The following SLC10A6 variants were observed in gnomAD, a reference collection of about 807,000 sequenced individuals.
SLC10A6 encodes the protein sodium-dependent organic anion transporter.
Under a neutral mutation model 30.0 loss-of-function variants are expected in SLC10A6, and 27 were observed. The ratio of observed to expected loss-of-function variants is 0.90; its 90% CI spans 0.66 to 1.24. The LOEUF is 1.24. Among genes scored for constraint, SLC10A6 ranks in the 50% most tolerant of loss-of-function variants. SLC10A6 has a pLI of 0.00. For synonymous variants in SLC10A6, 166 were observed against 173.8 expected, an observed-to-expected ratio of 0.95 and a Z score of 0.36; for missense variants, 439 against 457.0, an observed-to-expected ratio of 0.96 and a Z score of 0.36.
Position 86,848,729 on chromosome 4 carries a change from G to T in SLC10A6, c.377+10C>A. 4 of 1,565,788 alleles carry T rather than the reference G, an allele frequency of 2.6e-6. No homozygotes were observed. Among genetic ancestry groups the T allele is most frequent in the Non-Finnish European group, 3.5e-6 (4 of 1,157,068 alleles). ...GAGACAGACTGCTGAGCTTCCCTGG[G>T]GTTACTTACCTGAGATCCATATCTC... On this transcript the variant is annotated intron_variant, in intron 1 of 5. Transcript: ENST00000273905.
intron 1 of SLC10A6, 38 bp from the exon 2 acceptor site, chr4:86,833,462 T>C (rs533905592): frequency 6.0e-6 from 9 of 1,502,432 alleles, no homozygotes; most frequent in Admixed American, 3.4e-5. Context: ...GGAGGGAGCA[T>C]TGGACATGAA....
chr4:86,842,896 C>G (rs1746330298), intron 1 of SLC10A6, among the ~76,000 whole-genome samples: 1 of 119,208 alleles, frequency 8.4e-6, no homozygotes, highest in African/African-American at 2.9e-5. Context: ...GAGATGGAGT[C>G]TCGCTCTGTC....
At chr4:86,829,285 C>T (rs1746042611) in intron 3 of SLC10A6, among the ~76,000 whole-genome samples, 1 of 152,102 alleles carries the variant, frequency 6.6e-6, no homozygotes, top group African/African-American at 2.4e-5. Flanking sequence ...GTGACACATG[C>T]CTGTAATCCC....
chr4:86,849,217 G>A lies in SLC10A6; in HGVS notation c.-102C>T. On this transcript the variant is annotated 5_prime_UTR_variant, in exon 1 of 6. Transcript: ENST00000273905. The stretch of plus-strand genomic sequence containing the variant: ...GTAATAGTGCAACGAAGTCACACAT[G>A]GAGAATCATTCCAATAACTGTTGGC... 1 of 1,362,026 alleles carries A rather than the reference G, an allele frequency of 7.3e-7. No homozygotes were observed. The highest frequency in any genetic ancestry group is 1.0e-6 in the Non-Finnish European group (1 of 1,001,216). 84.4% of individuals were successfully genotyped at this position (1,362,026 alleles called of 1,614,324 possible).
At chr4:86,838,912 CAA>C (rs149710895) in intron 1 of SLC10A6, among the ~76,000 whole-genome samples, 22,170 of 74,844 alleles carry the variant, frequency 0.3, 1,490 homozygotes, top group Non-Finnish European at 0.31. Flanking sequence ...GACAGTGTCT[CAA>C]AAAAAAAAAA....
At chr4:86,837,658 C>G (rs1318337345) in intron 1 of SLC10A6, 2 of 983,750 alleles carry the variant, frequency 2.0e-6, no homozygotes, top group Non-Finnish European at 2.4e-6. Context: ...GTATTTTGTA[C>G]CTACCTGAGT....
At chr4:86,843,701 T>C (rs1746345472) in intron 1 of SLC10A6, among the ~76,000 whole-genome samples, 1 of 152,160 alleles carries the variant, frequency 6.6e-6, no homozygotes, top group African/African-American at 2.4e-5. Context: ...GGGTTAGGCA[T>C]GCAGCTCCTT....
At position 86,839,622 on chromosome 4, in the gene SLC10A6, C is replaced by T. The variant is rs114188750; in HGVS notation, c.378-6198G>A. ...TATGCCATAATTTCTTCAATCACTT[C>T]ATTAACCATAGGTCAGTTGCTTTTA... is the stretch of plus-strand genomic sequence containing the variant. On this transcript the variant is annotated intron_variant, in intron 1 of 5. Transcript: ENST00000273905. Among the ~76,000 whole-genome samples the T allele has an allele frequency of 7.1e-3, 1,074 of 152,280 alleles. 18 individuals carry two copies. Among genetic ancestry groups the T allele is most frequent in the African/African-American group, 0.024 (1,010 of 41,544 alleles).
In SLC10A6 at chr4:86,833,364, A is replaced by G; in HGVS notation, c.438T>C (p.Tyr146=). 2 of 1,614,092 alleles carry G rather than the reference A, an allele frequency of 1.2e-6. No homozygotes were observed. The highest frequency in any genetic ancestry group is 1.7e-6 in the Non-Finnish European group (2 of 1,179,968). The change falls in exon 2 of 6, where the codon TAT becomes TAC. Residue 146 remains tyrosine, a synonymous_variant. Transcript: ENST00000273905. ...GAAGACTCCAGGACCAGGTGTAGAG[A>G]TAAATGCAGAGTGGCATCATTCCCA... The part of the protein sequence containing the change: ...AALGMMPLCI[Y]LYTWSWSLQQ...
chr4:86,837,319 AAGGAAGGAAGGAAGGAAGGAAGGAAGGC>A, intron 1 of SLC10A6, among the ~76,000 whole-genome samples: 1 of 144,582 alleles, frequency 6.9e-6, no homozygotes, highest in South Asian at 2.2e-4. Context: ...GGAAGGAAGG[AAGGAAGGAAGGAAGGAAGGAAGGAAGGC>A]AGGCAGGCAG....
At chr4:86,824,228 C>T (rs549184574) in intron 5 of SLC10A6, among the ~76,000 whole-genome samples, 10 of 152,282 alleles carry the variant, frequency 6.6e-5, no homozygotes, top group Admixed American at 2.6e-4. Context: ...CGAGTGCTTA[C>T]TAGAAGTAGG....
chr4:86,848,675 G>A, intron 1 of SLC10A6, 64 bp downstream of exon 1: 3 of 1,495,252 alleles, frequency 2.0e-6, no homozygotes, highest in Non-Finnish European at 1.8e-6. Flanking sequence ...TAACACAAGA[G>A]TTTCAGTTAT....
intron 3 of SLC10A6, among the ~76,000 whole-genome samples, chr4:86,830,199 C>T (rs972873586): frequency 6.6e-6 from 1 of 152,098 alleles, no homozygotes; most frequent in Non-Finnish European, 1.5e-5. Context: ...AGTTGCAAAC[C>T]AGCCTGGGTA....
rs774517430 is a variant in SLC10A6, at chr4:86,825,577, C to A, written c.762G>T (p.Arg254Ser). The A allele has an allele frequency of 1.3e-6, 2 of 1,580,410 alleles. No individual in the cohort carries two copies. The highest frequency in any genetic ancestry group is 1.1e-5 in the South Asian group (1 of 89,056). ...LALFTHQSWQ[R>S]CRTISLETGA... ...CAGTTTCTAAGGAAATTGTCCTGCA[C>A]CTACCAAAAAGAAAATGTTTCAAGA... The change falls in exon 5 of 6, where the codon AGG (arginine) becomes AGT (serine). Residue 254 changes from arginine to serine, a missense_variant and splice_region_variant. By Grantham distance (110) the Arg-to-Ser change is moderately radical. Transcript: ENST00000273905.
At chr4:86,829,179 G>A (rs535350988) in intron 3 of SLC10A6, among the ~76,000 whole-genome samples, 2 of 152,290 alleles carry the variant, frequency 1.3e-5, no homozygotes, top group South Asian at 2.1e-4. Context: ...GGGAGGCAGA[G>A]GTGGGCGGAT....
intron 1 of SLC10A6, among the ~76,000 whole-genome samples, chr4:86,844,390 G>GA (rs1053944402): frequency 2.6e-5 from 4 of 151,930 alleles, no homozygotes; most frequent in Admixed American, 6.6e-5. Flanking sequence ...ATATATTGGG[G>GA]AAAAAAATGC....
intron 1 of SLC10A6, among the ~76,000 whole-genome samples, 176 bp downstream of exon 1, chr4:86,848,563 C>A (rs1245901239): frequency 6.6e-6 from 1 of 152,214 alleles, no homozygotes; most frequent in Non-Finnish European, 1.5e-5. Flanking sequence ...AGCAAAGTAA[C>A]TTTTGAGCAC....
At position 86,833,404 on chromosome 4, in the gene SLC10A6, G is replaced by A. The variant is rs761317022; in HGVS notation, c.398C>T (p.Ser133Phe). The change falls in exon 2 of 6, where the codon TCC becomes TTC. Residue 133 changes from serine to phenylalanine, a missense_variant. Ser to Phe is a radical substitution (Grantham distance 155). Transcript: ENST00000273905. Reference protein sequence around the residue: ...MDLSISMTTCSTVAALGMMPL... With the variant: ...MDLSISMTTCFTVAALGMMPL... ...CATCATTCCCAGGGCGGCCACGGTGGAACAGGTTGTCATACTGATGCTGAA... is the reference window on the plus strand; with the variant it reads ...CATCATTCCCAGGGCGGCCACGGTGAAACAGGTTGTCATACTGATGCTGAA... 6.2e-7 allele frequency: 1 copy of A among 1,613,784 alleles called. No individual in the cohort carries two copies. The highest frequency in any genetic ancestry group is 1.1e-5 in the South Asian group (1 of 91,062).
In SLC10A6 at chr4:86,848,993, C is replaced by T; in HGVS notation, c.123G>A (p.Met41Ile). The change falls in exon 1 of 6, where the codon ATG becomes ATA. Residue 41 changes from methionine (M) to isoleucine (I), a missense_variant. Transcript: ENST00000273905. ...CCAAAGAGAACATGAGCAGCCCCAT[C>T]ATCACAGTGGACACCACTGTGAAAA... is the stretch of plus-strand genomic sequence containing the variant. The part of the protein sequence containing the change: ...ELVFTVVSTV[M>I]MGLLMFSLGC... The T allele has an allele frequency of 6.2e-7, 1 of 1,614,200 alleles. No individual in the cohort carries two copies. The highest frequency in any genetic ancestry group is 8.5e-7 in the Non-Finnish European group (1 of 1,180,048).
Sources: gnomAD v4.1 joint callset for allele counts (sites outside exome capture counted in the v4.1 genomes callset) on GRCh38, gnomAD v4.1.1 for gene constraint, MANE v1.5 for transcripts, NCBI Gene and HGNC (gene_info 2026-07-23, HGNC 2026-07-21) for gene names.